MYO16: variants seen among roughly 807,000 people sequenced by gnomAD.
The protein encoded by MYO16 is unconventional myosin-XVI.
Under a neutral mutation model 205.3 loss-of-function variants are expected in MYO16, and 94 were observed. That is an observed-to-expected ratio of 0.46 (90% CI 0.39 to 0.54). The LOEUF is 0.54. Among genes scored for constraint, MYO16 ranks in the 20% least tolerant of loss-of-function variants. The probability of loss-of-function intolerance (pLI) is 0.00; values close to 1 mark genes in which losing one functional copy is unlikely to be tolerated. For missense variants in MYO16, 2,315 were observed against 2,387.5 expected (o/e 0.97, Z 0.63); for synonymous variants, 988 against 954.0 (o/e 1.04, Z -0.66).
At chr13:109,156,423 GT>G (rs1294066487) in intron 32 of MYO16, among the ~76,000 whole-genome samples, 2 of 152,194 alleles carry the variant, frequency 1.3e-5, no homozygotes, top group Admixed American at 6.5e-5. Context: ...TTCAGAATGA[GT>G]TATAGCCAGT....
intron 23 of MYO16, among the ~76,000 whole-genome samples, chr13:109,020,626 T>G (rs1456046257): frequency 6.6e-6 from 1 of 152,184 alleles, no homozygotes; most frequent in Non-Finnish European, 1.5e-5. Context: ...AAGATCAAAT[T>G]TTATCCAACT....
chr13:108,588,812 C>T, the MYO16 span, among the ~76,000 whole-genome samples: 1 of 152,100 alleles, frequency 6.6e-6, no homozygotes, highest in African/African-American at 2.4e-5. Flanking sequence ...CAAGGCTAGG[C>T]TGAACAGAGA....
chr13:108,707,515 C>T (rs1320765796), intron 2 of MYO16, among the ~76,000 whole-genome samples: 1 of 152,162 alleles, frequency 6.6e-6, no homozygotes, highest in East Asian at 1.9e-4. Flanking sequence ...TCCACTGCAG[C>T]ATGAGCACCT....
At chr13:108,597,843 G>A in intron 1 of MYO16, among the ~76,000 whole-genome samples, 1 of 152,262 alleles carries the variant, frequency 6.6e-6, no homozygotes, top group East Asian at 1.9e-4. Flanking sequence ...CTGTGGGATG[G>A]TTTCAAGATG....
chr13:108,775,848 A>C (rs531993884), intron 4 of MYO16, among the ~76,000 whole-genome samples: 1 of 152,354 alleles, frequency 6.6e-6, no homozygotes, highest in East Asian at 1.9e-4. Context: ...TGGTGTTTGC[A>C]CATGTGCGAG....
chr13:108,799,802 C>T (rs1254448406), intron 6 of MYO16, among the ~76,000 whole-genome samples: 1 of 152,104 alleles, frequency 6.6e-6, no homozygotes, highest in Admixed American at 6.6e-5. Context: ...ACATGGGTTA[C>T]TATTTTTCCT....
chr13:109,072,243 A>C (rs9521154), intron 27 of MYO16, among the ~76,000 whole-genome samples: 75,928 of 151,930 alleles, frequency 0.5, 18,999 homozygotes, highest in Middle Eastern at 0.55. Flanking sequence ...TTATAAAGTA[A>C]CTTGGAGATG....
At chr13:108,592,094 G>C (rs1340685231), upstream of MYO16, among the ~76,000 whole-genome samples, 2 of 142,952 alleles carry the variant, frequency 1.4e-5, no homozygotes, top group Non-Finnish European at 3.1e-5. Flanking sequence ...GGAGGTGCAG[G>C]GGGCTGTGGG....
In MYO16 at chr13:108,939,257, C is replaced by T. The variant is rs374112424; in HGVS notation, c.1926-18431C>T. On this transcript the variant is annotated intron_variant, in intron 16 of 34. Transcript: ENST00000457511. ...TTTCTCAGAGCATCTTTCCAAGCCT[C>T]TCCGCCAGGTAACTCCCCGAGTTAA... 6.0e-4 allele frequency among the ~76,000 whole-genome samples: 92 copies of T among 152,348 alleles called. 2 individuals are homozygous for T. The South Asian group carries it at 0.017, about 28-fold the overall frequency.
At chr13:108,950,496 A>G (rs1366800569) in intron 16 of MYO16, among the ~76,000 whole-genome samples, 2 of 152,180 alleles carry the variant, frequency 1.3e-5, no homozygotes, top group Non-Finnish European at 2.9e-5. Flanking sequence ...ATAAGATACC[A>G]CCACATACCT....
At chr13:109,024,404 A>G (rs940795437) in intron 23 of MYO16, among the ~76,000 whole-genome samples, 5 of 152,128 alleles carry the variant, frequency 3.3e-5, no homozygotes, top group Non-Finnish European at 5.9e-5. Context: ...TAGATGTTCA[A>G]TAAATGCTAA....
chr13:109,054,969 C>T (rs1417639765), intron 25 of MYO16, 77 bp from the exon 26 acceptor site: 11 of 856,732 alleles, frequency 1.3e-5, no homozygotes, highest in Non-Finnish European at 2.0e-5. Flanking sequence ...CCCCTTCCTC[C>T]CTCCTTTTCC....
intron 20 of MYO16, among the ~76,000 whole-genome samples, chr13:108,981,547 T>C (rs1016892908): frequency 1.3e-5 from 2 of 152,228 alleles, no homozygotes; most frequent in Non-Finnish European, 2.9e-5. Context: ...CTGATTCTGC[T>C]TCCTCTGACC....
At chr13:108,909,507 T>C (rs1489449135) in intron 15 of MYO16, among the ~76,000 whole-genome samples, 2 of 151,962 alleles carry the variant, frequency 1.3e-5, no homozygotes, top group African/African-American at 4.8e-5. Flanking sequence ...GTGGGTTTCC[T>C]CCAGTGTTTC....
intron 1 of MYO16, among the ~76,000 whole-genome samples, chr13:108,600,660 T>C (rs559619658): frequency 1.9e-4 from 29 of 152,292 alleles, no homozygotes; most frequent in African/African-American, 7.0e-4. Flanking sequence ...GCTGAACTAT[T>C]TTACTTTCTG....
At chr13:108,742,363 T>C (rs2139616240) in intron 4 of MYO16, among the ~76,000 whole-genome samples, 1 of 152,234 alleles carries the variant, frequency 6.6e-6, no homozygotes, top group South Asian at 2.1e-4. Flanking sequence ...CAAATACAAA[T>C]GTTTTGGCTC....
chr13:108,848,369 C>G (rs1467235282), intron 10 of MYO16, among the ~76,000 whole-genome samples: 1 of 152,192 alleles, frequency 6.6e-6, no homozygotes, highest in Non-Finnish European at 1.5e-5. Context: ...TGTTGGTTAA[C>G]ATTTCAAAGC....
chr13:109,100,855 G>A lies in MYO16; in HGVS notation c.3406G>A (p.Val1136Ile). ...GTCAGCTGCCGAGCGATGTCGACTT[G>A]TTCTCCAGCAGTGTAAATTACAAGG... is the stretch of plus-strand genomic sequence containing the variant. ...EQSAAERCRL[V>I]LQQCKLQGWQ... Residue 1136 changes from valine (V) to isoleucine (I), a missense_variant, in exon 28 of 35, where the codon GTT (valine) becomes ATT (isoleucine). This residue lies in a region of MYO16 where 1,097 missense variants were observed against 1,092.0 expected (regional missense o/e 1.00). Transcript: ENST00000457511. 1 of 1,613,682 alleles carries A rather than the reference G, an allele frequency of 6.2e-7. No individual in the cohort carries two copies.
At chr13:108,935,823 T>C (rs998181701) in intron 16 of MYO16, among the ~76,000 whole-genome samples, 6 of 151,902 alleles carry the variant, frequency 3.9e-5, no homozygotes, top group South Asian at 2.1e-4. Context: ...TTGAGGGTTT[T>C]TTTTTTTATC....
Sources: allele counts gnomAD v4.1 joint callset (sites outside exome capture counted in the v4.1 genomes callset), GRCh38; gene constraint gnomAD v4.1.1; regional missense constraint gnomAD v4.1.1; transcripts MANE v1.5; gene names NCBI Gene and HGNC (gene_info 2026-07-23, HGNC 2026-07-21).